Variants in APLN observed in about 807,000 individuals in gnomAD.
APLN encodes apelin, also known as AGTRL1 ligand.
A neutral mutation model predicts 4.3 loss-of-function variants in APLN; 2 were observed. That is an observed-to-expected ratio of 0.46 (90% CI 0.19 to 1.45). The LOEUF (loss-of-function observed/expected upper bound fraction) is 1.45. Ranked by LOEUF, APLN falls within the 40% of genes most tolerant of loss-of-function variation. APLN has a pLI of 0.25. For synonymous variants in APLN, 34 were observed against 30.4 expected (o/e 1.12, Z -0.38); for missense variants, 80 against 70.0 (o/e 1.14, Z -0.51).
chrX:129,652,799 G>A (rs1954068369), intron 1 of APLN, among the ~76,000 whole-genome samples: 1 of 111,638 alleles, frequency 9.0e-6, no homozygotes, highest in African/African-American at 3.3e-5. Flanking sequence ...TGTCCCAATG[G>A]CTGGGACCCA....
intron 1 of APLN, among the ~76,000 whole-genome samples, chrX:129,652,010 T>G (rs1465126846): frequency 9.0e-6 from 1 of 111,452 alleles, no homozygotes. Context: ...TTGCCTTAGT[T>G]CTTTGCGAGG....
Position 129,650,204 on chromosome X carries a change from G to C in APLN, c.68-1412C>G, listed in dbSNP as rs987007994. On this transcript the variant is annotated intron_variant, in intron 1 of 2. Transcript: ENST00000429967. Reference sequence around the variant, plus strand: ...ACCACTTGCTCACAGTTTCCATAGAGCCTCCCATTGGCTGCTCACACCCCA... The same window carrying C: ...ACCACTTGCTCACAGTTTCCATAGACCCTCCCATTGGCTGCTCACACCCCA... Among the ~76,000 whole-genome samples, 3 of 110,452 alleles carry C rather than the reference G, an allele frequency of 2.7e-5. No homozygotes were observed. In the South Asian group the frequency reaches 1.2e-3, roughly 43 times the overall value.
rs1292110892 is a variant in APLN at position 129,654,692 on chromosome X, C to G, written c.-62G>C. The G allele has an allele frequency of 2.2e-6, 2 of 929,970 alleles. No homozygotes were observed. The highest frequency in any genetic ancestry group is 2.7e-6 in the Non-Finnish European group (2 of 728,075). The allele number at this position is 929,970 out of a possible 1,213,427, so 76.6% of individuals were successfully genotyped here. ...CGCGGGGGAGGAGAGGTCGGGCGCC[C>G]GGAGGCCAAGAAAGGCGCGAGCCGC... is the stretch of plus-strand genomic sequence containing the variant. On this transcript the variant is annotated 5_prime_UTR_variant, in exon 1 of 3. Coordinates refer to ENST00000429967, the MANE Select transcript of APLN (RefSeq NM_017413.5).
At chrX:129,654,242 C>T (rs1936994553) in intron 1 of APLN, among the ~76,000 whole-genome samples, 1 of 113,541 alleles carries the variant, frequency 8.8e-6, no homozygotes, top group Admixed American at 9.1e-5. Context: ...CCACCTCTAC[C>T]ACGCGGGGTG....
At chrX:129,651,829 G>A (rs1261399006) in intron 1 of APLN, among the ~76,000 whole-genome samples, 4 of 111,926 alleles carry the variant, frequency 3.6e-5, no homozygotes, top group African/African-American at 1.3e-4. Context: ...CGTATGCTCC[G>A]GTGGGGACCC....
rs371362088 is a variant in APLN, at chrX:129,647,386, C to T, written c.*537G>A. On this transcript the variant is annotated 3_prime_UTR_variant, in exon 3 of 3. Coordinates refer to ENST00000429967, the MANE Select transcript of APLN (RefSeq NM_017413.5). Reference sequence around the variant, plus strand: ...CTCCTGAAAACCACCCTGGCACTTCCATGCCCCCAATGTGCCCTGTCTGGA... The same window carrying T: ...CTCCTGAAAACCACCCTGGCACTTCTATGCCCCCAATGTGCCCTGTCTGGA... 119 of 247,934 alleles carry T rather than the reference C, an allele frequency of 4.8e-4. 4 individuals carry two copies. The East Asian group carries it at 6.1e-3, about 13-fold the overall frequency. 20.4% of individuals were successfully genotyped at this position (247,934 alleles called of 1,213,427 possible). A position where few individuals can be genotyped will look rare whatever the true frequency, so the allele number is the denominator to read the frequency against.
Position 129,653,179 on chromosome X carries a change from G to A in APLN, c.67+1385C>T, listed in dbSNP as rs754400418. On this transcript the variant is annotated intron_variant, in intron 1 of 2. Transcript: ENST00000429967. ...TCAGGTCTTGAATAGAGAAATCACC[G>A]GCCAGCTACCTGGAGGCAGGAGGTG... 1.1e-4 allele frequency among the ~76,000 whole-genome samples: 12 copies of A among 112,631 alleles called. No individual in the cohort carries two copies. In the South Asian group the frequency reaches 2.6e-3, roughly 24 times the overall value.
At chrX:129,653,816 G>A (rs1358210085) in intron 1 of APLN, among the ~76,000 whole-genome samples, 1 of 112,144 alleles carries the variant, frequency 8.9e-6, no homozygotes, top group East Asian at 2.8e-4. Flanking sequence ...GGACAGAAAG[G>A]AAGGCTGGAG....
rs1936957330 is a variant in APLN at position 129,648,720 on chromosome X, C to T, written c.140G>A (p.Gly47Glu). Reference protein sequence around the residue: ...GNVRHLVQPRGSRNGPGPWQG... With the variant: ...GNVRHLVQPRESRNGPGPWQG... ...CCAGGGCCCTGGCCCATTCCTTGAC[C>T]CTCTGGGCTGCACCAGGTGGCGGAC... The change falls in exon 2 of 3, where the codon GGG (glycine) becomes GAG (glutamate). Residue 47 changes from glycine (G) to glutamate (E), a missense_variant. By Grantham distance (98) the Gly-to-Glu change is moderately conservative. Transcript: ENST00000429967. The T allele has an allele frequency of 8.5e-7, 1 of 1,178,578 alleles. No homozygotes were observed. The highest frequency in any genetic ancestry group is 3.2e-5 in the East Asian group (1 of 31,639).
At position 129,646,956 on chromosome X, in the gene APLN, G is replaced by A. The variant is rs1199216639; in HGVS notation, c.*967C>T. On this transcript the variant is annotated 3_prime_UTR_variant, in exon 3 of 3. Transcript: ENST00000429967. ...TGCTTTGAAAAGACATCATCAAGAGGGAAGAGGGCGTCATAAAGTAGGAGA... is the reference window on the plus strand; with the variant it reads ...TGCTTTGAAAAGACATCATCAAGAGAGAAGAGGGCGTCATAAAGTAGGAGA... The A allele has an allele frequency of 8.9e-6, 1 of 112,486 alleles. No homozygotes were observed. The highest frequency in any genetic ancestry group is 1.9e-5 in the Non-Finnish European group (1 of 53,307). 9.3% of individuals were successfully genotyped at this position (112,486 alleles called of 1,213,427 possible). A position where few individuals can be genotyped will look rare whatever the true frequency, so the allele number is the denominator to read the frequency against.
Position 129,647,530 on chromosome X carries a change from A to G in APLN, c.*393T>C, listed in dbSNP as rs1051268103. 1.2e-5 allele frequency: 10 copies of G among 816,450 alleles called. No individual in the cohort carries two copies. Among genetic ancestry groups the G allele is most frequent in the Non-Finnish European group, 1.6e-5 (10 of 628,935 alleles). 67.3% of individuals were successfully genotyped at this position (816,450 alleles called of 1,213,427 possible). ...ACAAGGGATCTGCTGGAGCCCACAG[A>G]AGGGAGCACTTCCACCCCGCGCTCA... On this transcript the variant is annotated 3_prime_UTR_variant, in exon 3 of 3. Coordinates refer to ENST00000429967, the MANE Select transcript of APLN (RefSeq NM_017413.5).
chrX:129,654,622 C>T lies in APLN; in HGVS notation c.9G>A (p.Leu3=). Residue 3 remains leucine (L), a synonymous_variant, in exon 1 of 3, where the codon CTG becomes CTA. Coordinates refer to ENST00000429967, the MANE Select transcript of APLN (RefSeq NM_017413.5). MN[L]RLCVQALLLL... is the part of the protein sequence containing the mutation. ...GCAGGAGCGCCTGCACGCAGAGCCG[C>T]AGATTCATGCTGCTCCTTGGGCCGC... 2 of 1,145,515 alleles carry T rather than the reference C, an allele frequency of 1.7e-6. No individual in the cohort carries two copies. The highest frequency in any genetic ancestry group is 2.3e-6 in the Non-Finnish European group (2 of 865,680). 94.4% of individuals were successfully genotyped at this position (1,145,515 alleles called of 1,213,427 possible). A position where few individuals can be genotyped will look rare whatever the true frequency, so the allele number is the denominator to read the frequency against.
intron 1 of APLN, among the ~76,000 whole-genome samples, chrX:129,653,123 C>G (rs1936988325): frequency 8.9e-6 from 1 of 112,634 alleles, no homozygotes. Flanking sequence ...AGCCTACCCA[C>G]TTCTTACTGT....
In APLN at chrX:129,647,858, A is replaced by G. The variant is rs1324016746; in HGVS notation, c.*65T>C. On this transcript the variant is annotated 3_prime_UTR_variant, in exon 3 of 3. Coordinates refer to ENST00000429967, the MANE Select transcript of APLN (RefSeq NM_017413.5). The stretch of plus-strand genomic sequence containing the variant: ...ATGGACGTGAGGCCTCCAGAGAAGC[A>G]GACCAATCTATGGAGGAGACATAAC... 1 of 983,359 alleles carries G rather than the reference A, an allele frequency of 1.0e-6. No individual in the cohort carries two copies. The highest frequency in any genetic ancestry group is 3.0e-5 in the Admixed American group (1 of 33,156). 81.0% of individuals were successfully genotyped at this position (983,359 alleles called of 1,213,427 possible).
chrX:129,651,819 C>T lies in APLN; in HGVS notation c.67+2745G>A, dbSNP rs762596274. Among the ~76,000 whole-genome samples the T allele has an allele frequency of 4.5e-5, 5 of 112,242 alleles. No homozygotes were observed. The East Asian group carries it at 1.4e-3, about 31-fold the overall frequency. On this transcript the variant is annotated intron_variant, in intron 1 of 2. Transcript: ENST00000429967. Reference sequence around the variant, plus strand: ...CTTGTGATGACTTTAAAAGCCCAAACGTATGCTCCGGTGGGGACCCTGCTG... The same window carrying T: ...CTTGTGATGACTTTAAAAGCCCAAATGTATGCTCCGGTGGGGACCCTGCTG...
chrX:129,647,677 CA>C lies in APLN; in HGVS notation c.*245del, dbSNP rs1278466485. 1.0e-6 allele frequency: 1 copy of C among 982,996 alleles called. No homozygotes were observed. Among genetic ancestry groups the C allele is most frequent in the East Asian group, 7.5e-5 (1 of 13,316 alleles). 81.0% of individuals were successfully genotyped at this position (982,996 alleles called of 1,213,427 possible). A position where few individuals can be genotyped will look rare whatever the true frequency, so the allele number is the denominator to read the frequency against. On this transcript the variant is annotated 3_prime_UTR_variant, in exon 3 of 3. Transcript: ENST00000429967. ...CTTTCTGGGGCTAGGTCTCCAAAGT[CA>C]GTCCAGGGAGGGGCCAGGAAGATGG...
At chrX:129,650,251 C>G (rs1210493506) in intron 1 of APLN, among the ~76,000 whole-genome samples, 1 of 110,922 alleles carries the variant, frequency 9.0e-6, no homozygotes, top group Non-Finnish European at 1.9e-5. Flanking sequence ...GGCAGCTCCC[C>G]CTTCCCCTCT....
chrX:129,649,101 T>C lies in APLN; in HGVS notation c.68-309A>G, dbSNP rs962769947. ...TCATTGGGGGGTGTGCACTTTGGGT[T>C]GTCACGCCTGTACTTGGCTGGGGGG... On this transcript the variant is annotated intron_variant, in intron 1 of 2. Transcript: ENST00000429967. Among the ~76,000 whole-genome samples, 5 of 110,843 alleles carry C rather than the reference T, an allele frequency of 4.5e-5. 1 individual carries two copies. Among genetic ancestry groups the C allele is most frequent in the Non-Finnish European group, 9.4e-5 (5 of 52,953 alleles).
chrX:129,652,431 C>T (rs1361530722), intron 1 of APLN, among the ~76,000 whole-genome samples: 2 of 111,521 alleles, frequency 1.8e-5, no homozygotes, highest in Middle Eastern at 4.7e-3. Flanking sequence ...CATGCCAGTC[C>T]GGGCCAAGGA....
Sources: gnomAD v4.1 joint callset for allele counts (sites outside exome capture counted in the v4.1 genomes callset) on GRCh38, gnomAD v4.1.1 for gene constraint, MANE v1.5 for transcripts, NCBI Gene and HGNC (gene_info 2026-07-23, HGNC 2026-07-21) for gene names.